The following SLC39A10 variants were observed in gnomAD, a reference collection of about 807,000 sequenced individuals.
SLC39A10 encodes the protein solute carrier family 39 member 10.
In SLC39A10, 13 loss-of-function variants were observed where a neutral mutation model predicts 65.1. That is an observed-to-expected ratio of 0.20 (90% CI 0.13 to 0.32). The LOEUF (loss-of-function observed/expected upper bound fraction) is 0.32. SLC39A10 is among the 10% of genes least tolerant of loss of function. The probability of loss-of-function intolerance (pLI) is 1.00; values close to 1 mark genes in which losing one functional copy is unlikely to be tolerated. For missense variants in SLC39A10, 831 were observed against 1,018.4 expected (o/e 0.82, Z 2.50); for synonymous variants, 321 against 342.2 (o/e 0.94, Z 0.68).
At chr2:195,672,509 A>G (rs1157038541) in intron 1 of SLC39A10, among the ~76,000 whole-genome samples, 2 of 151,398 alleles carry the variant, frequency 1.3e-5, no homozygotes, top group African/African-American at 4.8e-5. Flanking sequence ...ATTTACTTTA[A>G]TAAATAAAAA....
intron 2 of SLC39A10, among the ~76,000 whole-genome samples, chr2:195,619,030 T>C (rs1574476132): frequency 7.2e-6 from 1 of 139,270 alleles, no homozygotes; most frequent in East Asian, 2.2e-4. Flanking sequence ...GAGGCGGAGG[T>C]TGCAGTGAGC....
At chr2:195,678,217 A>G (rs993416924) in intron 1 of SLC39A10, among the ~76,000 whole-genome samples, 3 of 152,302 alleles carry the variant, frequency 2.0e-5, no homozygotes, top group African/African-American at 7.2e-5. Context: ...AGAAGATACA[A>G]TCTCTAATAC....
At chr2:195,629,936 A>C (rs1332883001) in intron 2 of SLC39A10, among the ~76,000 whole-genome samples, 1 of 151,780 alleles carries the variant, frequency 6.6e-6, no homozygotes, top group Non-Finnish European at 1.5e-5. Context: ...GGATCTCACC[A>C]TGTTGGCTAA....
At chr2:195,659,291 A>C (rs907287640) in intron 1 of SLC39A10, among the ~76,000 whole-genome samples, 2 of 152,344 alleles carry the variant, frequency 1.3e-5, no homozygotes, top group East Asian at 3.9e-4. Context: ...AATAGATTGC[A>C]TGATAACCTA....
chr2:195,653,930 C>CT (rs990336310), upstream of SLC39A10, among the ~76,000 whole-genome samples: 3 of 151,890 alleles, frequency 2.0e-5, no homozygotes, highest in African/African-American at 7.3e-5. Flanking sequence ...TAGTCGTGTT[C>CT]TTTTTTTTGT....
chr2:195,644,887 C>CTTTATTTATT (rs765783190), intron 2 of SLC39A10, among the ~76,000 whole-genome samples: 64 of 91,744 alleles, frequency 7.0e-4, no homozygotes, highest in South Asian at 2.2e-3. Context: ...ACCAATCTAA[C>CTTTATTTATT]TACTTTATTT....
chr2:195,734,706 A>C (rs1325275680), intron 9 of SLC39A10, among the ~76,000 whole-genome samples, 177 bp from the exon 10 acceptor site: 1 of 152,152 alleles, frequency 6.6e-6, no homozygotes, highest in African/African-American at 2.4e-5. Flanking sequence ...AAAAGCATAA[A>C]ATTTCTTCAG....
In SLC39A10 at chr2:195,675,557, G is replaced by T. The variant is rs543621449; in HGVS notation, c.-11-4475G>T. On this transcript the variant is annotated intron_variant, in intron 1 of 9. Transcript: ENST00000359634. ...TTCATGCCATTCTCCTCAGCCTCCC[G>T]AGTAGCTCGTACTACAGGCGCCCGT... Among the ~76,000 whole-genome samples the T allele has an allele frequency of 2.6e-5, 4 of 152,170 alleles. No homozygotes were observed. The East Asian group carries it at 7.7e-4, about 29-fold the overall frequency.
At chr2:195,628,639 A>G (rs1268164250) in intron 2 of SLC39A10, among the ~76,000 whole-genome samples, 1 of 152,258 alleles carries the variant, frequency 6.6e-6, no homozygotes, top group Non-Finnish European at 1.5e-5. Context: ...CTTTGAAGAA[A>G]AAGGATGAGG....
At position 195,736,981 on chromosome 2, in the gene SLC39A10, C is replaced by CATTT. The variant is rs1692641405; in HGVS notation, c.*1941_*1944dup. 1 of 152,562 alleles carries CATTT rather than the reference C, an allele frequency of 6.6e-6. No individual in the cohort carries two copies. The highest frequency in any genetic ancestry group is 1.5e-5 in the Non-Finnish European group (1 of 68,010). 9.5% of individuals were successfully genotyped at this position (152,562 alleles called of 1,614,324 possible). Reference sequence around the variant, plus strand: ...CTGCATTCCAGCATTAAATCTGCTTCATTTTAGAACCTTTATAAAAGCAAT... The same window carrying CATTT: ...CTGCATTCCAGCATTAAATCTGCTTCATTTATTTTAGAACCTTTATAAAAGCAAT... On this transcript the variant is annotated 3_prime_UTR_variant, in exon 10 of 10. Coordinates refer to ENST00000359634, the MANE Select transcript of SLC39A10 (RefSeq NM_020342.3).
intron 7 of SLC39A10, among the ~76,000 whole-genome samples, 181 bp from the exon 8 acceptor site, chr2:195,718,071 G>C (rs1221586981): frequency 2.0e-5 from 3 of 152,140 alleles, no homozygotes; most frequent in African/African-American, 7.2e-5. Flanking sequence ...TATTTCTCTA[G>C]TTGTTACATA....
At chr2:195,699,109 A>G (rs1691084511) in intron 3 of SLC39A10, among the ~76,000 whole-genome samples, 1 of 151,944 alleles carries the variant, frequency 6.6e-6, no homozygotes, top group Non-Finnish European at 1.5e-5. Context: ...ATTCTATTAT[A>G]ATCCTTTTTA....
chr2:195,617,993 C>T (rs1184645074), intron 2 of SLC39A10, among the ~76,000 whole-genome samples: 1 of 150,214 alleles, frequency 6.7e-6, no homozygotes, highest in African/African-American at 2.4e-5. Flanking sequence ...CCCACCTTGG[C>T]CTCCCAAAGT....
chr2:195,703,828 A>G (rs1691291462), intron 3 of SLC39A10, among the ~76,000 whole-genome samples: 1 of 151,802 alleles, frequency 6.6e-6, no homozygotes, highest in Non-Finnish European at 1.5e-5. Context: ...TAATTTTTAT[A>G]TTTTTTGCAG....
rs1423479459 is a variant in SLC39A10, at chr2:195,735,726, A to G, written c.*685A>G. On this transcript the variant is annotated 3_prime_UTR_variant, in exon 10 of 10. Coordinates refer to ENST00000359634, the MANE Select transcript of SLC39A10 (RefSeq NM_020342.3). ...TGAGCTTCAGTTTAATGAAAGATTC[A>G]TAATGGTTCTTTGTATTATTATAAT... The G allele has an allele frequency of 6.6e-6, 1 of 152,282 alleles. No individual in the cohort carries two copies. The highest frequency in any genetic ancestry group is 1.9e-4 in the East Asian group (1 of 5,194). 9.4% of individuals were successfully genotyped at this position (152,282 alleles called of 1,614,324 possible).
chr2:195,670,806 A>T (rs954351276), intron 1 of SLC39A10, among the ~76,000 whole-genome samples: 5 of 152,180 alleles, frequency 3.3e-5, no homozygotes, highest in South Asian at 2.1e-4. Context: ...AAAATAAGTT[A>T]AAAAAAGCAC....
chr2:195,642,020 G>T (rs1369420614), intron 2 of SLC39A10, among the ~76,000 whole-genome samples: 1 of 152,128 alleles, frequency 6.6e-6, no homozygotes. Context: ...GTGAAGTCAC[G>T]AGCAATTAAT....
At chr2:195,696,473 A>T (rs1174914632) in intron 3 of SLC39A10, among the ~76,000 whole-genome samples, 1 of 152,194 alleles carries the variant, frequency 6.6e-6, no homozygotes, top group African/African-American at 2.4e-5. Flanking sequence ...AGGACCAAAA[A>T]TATTTGGGGA....
At chr2:195,623,200 T>A (rs1174130934) in intron 2 of SLC39A10, among the ~76,000 whole-genome samples, 1 of 152,058 alleles carries the variant, frequency 6.6e-6, no homozygotes, top group African/African-American at 2.4e-5. Flanking sequence ...AAAGTAGAAT[T>A]TCAGATCCAT....
Sources: gnomAD v4.1 joint callset for allele counts (sites outside exome capture counted in the v4.1 genomes callset) on GRCh38, gnomAD v4.1.1 for gene constraint, MANE v1.5 for transcripts, NCBI Gene and HGNC (gene_info 2026-07-23, HGNC 2026-07-21) for gene names.